The following LINGO2 variants were observed in gnomAD, a reference collection of about 807,000 sequenced individuals.
LINGO2 encodes the protein leucine rich repeat and Ig domain containing 2.
LINGO2 carries 14 observed loss-of-function variants against 30.6 expected under a neutral mutation model. The observed-to-expected ratio is 0.46, with a 90% CI of 0.30 to 0.72. The LOEUF (loss-of-function observed/expected upper bound fraction) is 0.72, where lower values mean the gene tolerates loss of function less well. Among genes scored for constraint, LINGO2 ranks in the 30% least tolerant of loss-of-function variants. LINGO2 has a pLI of 0.07. For synonymous variants in LINGO2, 317 were observed against 288.5 expected (o/e 1.10, Z -1.00); for missense variants, 729 against 751.7 (o/e 0.97, Z 0.35).
Position 28,563,564 on chromosome 9 carries a change from A to C in LINGO2, c.-364-87539T>G, listed in dbSNP as rs187773909. On this transcript the variant is annotated intron_variant, in intron 1 of 5. Coordinates refer to ENST00000379992, the Ensembl canonical transcript of LINGO2. The stretch of plus-strand genomic sequence containing the variant: ...AACTGTCTTTGTTTTCTGCAGTTCT[A>C]TGCAAATGCAAATATGCAAAAGAAC... Among the ~76,000 whole-genome samples the C allele has an allele frequency of 1.9e-3, 283 of 152,316 alleles. 1 individual carries two copies. Among genetic ancestry groups the C allele is most frequent in the African/African-American group, 6.4e-3 (268 of 41,596 alleles).
intron 1 of LINGO2, among the ~76,000 whole-genome samples, chr9:28,489,462 G>A (rs76922928): frequency 0.021 from 3,269 of 152,192 alleles, 101 homozygotes; most frequent in East Asian, 0.1. Context: ...AAGTCACTGC[G>A]TCCAGCCCAT....
At chr9:29,080,633 G>A in the LINGO2 span, among the ~76,000 whole-genome samples, 1 of 151,932 alleles carries the variant, frequency 6.6e-6, no homozygotes, top group Non-Finnish European at 1.5e-5. Flanking sequence ...CAGAGATTCT[G>A]GTATGTTGTG....
chr9:28,144,389 T>C (rs1195808336), intron 4 of LINGO2, among the ~76,000 whole-genome samples: 1 of 152,168 alleles, frequency 6.6e-6, no homozygotes, highest in East Asian at 1.9e-4. Context: ...ACTAACCCAT[T>C]GAATAAAAAT....
At chr9:28,682,069 C>A in the LINGO2 span, among the ~76,000 whole-genome samples, 5 of 152,090 alleles carry the variant, frequency 3.3e-5, no homozygotes, top group African/African-American at 1.2e-4. Flanking sequence ...ATTTGTTTCA[C>A]CCTTAGAGTT....
chr9:28,835,611 C>T, the LINGO2 span, among the ~76,000 whole-genome samples: 2 of 152,142 alleles, frequency 1.3e-5, no homozygotes, highest in African/African-American at 4.8e-5. Context: ...ACTACTTAAC[C>T]TCTTAATTTC....
At chr9:28,935,870 C>T in the LINGO2 span, among the ~76,000 whole-genome samples, 112,390 of 151,804 alleles carry the variant, frequency 0.74, 41,746 homozygotes, top group Non-Finnish European at 0.78. Flanking sequence ...ACAAAAAAGC[C>T]ATGTTCATAT....
intron 4 of LINGO2, among the ~76,000 whole-genome samples, chr9:28,081,793 G>A (rs1031339587): frequency 2.0e-5 from 3 of 151,966 alleles, no homozygotes; most frequent in African/African-American, 7.2e-5. Context: ...CAGTCCAGCT[G>A]CATGTGTAGC....
At chr9:28,098,666 A>T (rs564062570) in intron 4 of LINGO2, among the ~76,000 whole-genome samples, 1 of 152,260 alleles carries the variant, frequency 6.6e-6, no homozygotes, top group South Asian at 2.1e-4. Flanking sequence ...GAATTATAAG[A>T]GTCAAGAATG....
chr9:28,389,934 T>A (rs565270106), intron 2 of LINGO2, among the ~76,000 whole-genome samples: 1 of 152,302 alleles, frequency 6.6e-6, no homozygotes, highest in South Asian at 2.1e-4. Context: ...CTGGCCCTGG[T>A]TTCATGTTCC....
chr9:28,692,409 A>G, the LINGO2 span, among the ~76,000 whole-genome samples: 1 of 152,120 alleles, frequency 6.6e-6, no homozygotes, highest in African/African-American at 2.4e-5. Flanking sequence ...CAAGGGTCGG[A>G]GGTTGCAATG....
the LINGO2 span, among the ~76,000 whole-genome samples, chr9:28,731,860 A>G: frequency 1.3e-5 from 2 of 152,146 alleles, no homozygotes; most frequent in Non-Finnish European, 2.9e-5. Flanking sequence ...AAAAGGGTAC[A>G]TGACATCTCT....
intron 1 of LINGO2, among the ~76,000 whole-genome samples, chr9:28,584,134 G>C (rs1001076970): frequency 3.3e-5 from 5 of 151,908 alleles, no homozygotes; most frequent in Admixed American, 3.3e-4. Context: ...TTGGTGTTTT[G>C]TTACAGTAGC....
chr9:28,701,049 G>T, the LINGO2 span, among the ~76,000 whole-genome samples: 1 of 151,382 alleles, frequency 6.6e-6, no homozygotes, highest in African/African-American at 2.4e-5. Context: ...GTGTATTTTG[G>T]GTAAATGTCC....
At chr9:28,124,555 C>A (rs2133412877) in intron 4 of LINGO2, among the ~76,000 whole-genome samples, 1 of 152,234 alleles carries the variant, frequency 6.6e-6, no homozygotes, top group Admixed American at 6.5e-5. Context: ...TTCTTTGTTT[C>A]TTTTTTGAAT....
At chr9:28,590,246 C>G (rs1396428800) in intron 1 of LINGO2, among the ~76,000 whole-genome samples, 1 of 152,030 alleles carries the variant, frequency 6.6e-6, no homozygotes, top group African/African-American at 2.4e-5. Flanking sequence ...TAGGCATGGG[C>G]AAGGACTTCA....
chr9:28,117,662 T>G (rs929514928), intron 4 of LINGO2, among the ~76,000 whole-genome samples: 4 of 130,272 alleles, frequency 3.1e-5, no homozygotes, highest in Admixed American at 1.6e-4. Flanking sequence ...CGGGTGGGAG[T>G]GACCCGATTT....
At chr9:29,168,864 A>G in the LINGO2 span, among the ~76,000 whole-genome samples, 10 of 152,316 alleles carry the variant, frequency 6.6e-5, no homozygotes, top group South Asian at 8.3e-4. Context: ...TTATTTGCCT[A>G]CTTATCTATT....
chr9:28,891,480 G>A, the LINGO2 span, among the ~76,000 whole-genome samples: 2 of 148,296 alleles, frequency 1.3e-5, no homozygotes, highest in Non-Finnish European at 1.5e-5. Context: ...AATTTCTGGA[G>A]AAAAAAAAAA....
chr9:28,695,804 T>C, the LINGO2 span, among the ~76,000 whole-genome samples: 1 of 151,720 alleles, frequency 6.6e-6, no homozygotes, highest in African/African-American at 2.4e-5. Flanking sequence ...TATATAGTTC[T>C]GAATCATTTG....
Sources: gnomAD v4.1 joint callset for allele counts (sites outside exome capture counted in the v4.1 genomes callset) on GRCh38, gnomAD v4.1.1 for gene constraint, MANE v1.5 for transcripts, NCBI Gene and HGNC (gene_info 2026-07-23, HGNC 2026-07-21) for gene names.